CBLB: variants seen among roughly 807,000 people sequenced by gnomAD.
CBLB encodes the protein E3 ubiquitin-protein ligase CBL-B.
In CBLB, 31 loss-of-function variants were observed where a neutral mutation model predicts 104.9. That is an observed-to-expected ratio of 0.30 (90% confidence interval 0.22 to 0.40). The LOEUF (loss-of-function observed/expected upper bound fraction) is 0.40. Ranked by LOEUF, CBLB falls within the 10% of genes least tolerant of loss-of-function variation. The pLI is 1.00. For synonymous variants in CBLB, 440 were observed against 422.6 expected (o/e 1.04, Z -0.51); for missense variants, 1,062 against 1,214.6 (o/e 0.87, Z 1.87).
intron 3 of CBLB, among the ~76,000 whole-genome samples, chr3:105,822,660 A>G: frequency 6.6e-6 from 1 of 152,104 alleles, no homozygotes; most frequent in East Asian, 1.9e-4. Flanking sequence ...AATCTACTCT[A>G]CTACTCTTAG....
chr3:105,688,690 G>C lies in CBLB; in HGVS notation c.2055-3224C>G, dbSNP rs564239681. Among the ~76,000 whole-genome samples, 74 of 152,040 alleles carry C rather than the reference G, an allele frequency of 4.9e-4. No homozygotes were observed. The South Asian group carries it at 0.014, about 29-fold the overall frequency. On this transcript the variant is annotated intron_variant, in intron 13 of 18. Transcript: ENST00000394030. Reference sequence around the variant, plus strand: ...ATGTCTAACTCAAATAAATAGTCCAGAGAAGAGACAAAACAAAATATAGCT... The same window carrying C: ...ATGTCTAACTCAAATAAATAGTCCACAGAAGAGACAAAACAAAATATAGCT...
At chr3:105,837,309 T>C (rs147170238) in intron 3 of CBLB, among the ~76,000 whole-genome samples, 28 of 152,338 alleles carry the variant, frequency 1.8e-4, no homozygotes, top group Middle Eastern at 3.4e-3. Context: ...CAAATGAAAC[T>C]GGACTATTCA....
chr3:105,861,370 A>G (rs2092072035), intron 2 of CBLB, among the ~76,000 whole-genome samples: 1 of 152,208 alleles, frequency 6.6e-6, no homozygotes, highest in African/African-American at 2.4e-5. Flanking sequence ...AATTAAAAAC[A>G]TGGTTTAAAC....
intron 3 of CBLB, among the ~76,000 whole-genome samples, chr3:105,849,784 G>C (rs2090719697): frequency 6.6e-6 from 1 of 152,012 alleles, no homozygotes; most frequent in Admixed American, 6.6e-5. Flanking sequence ...AAATTTAATG[G>C]ATGACTTGGC....
At chr3:105,868,462 G>A (rs1188920626) in intron 1 of CBLB, 4 of 360,360 alleles carry the variant, frequency 1.1e-5, no homozygotes, top group Non-Finnish European at 2.0e-5. Context: ...TCCGTCTAGG[G>A]CGCGGGAGGG....
intron 2 of CBLB, among the ~76,000 whole-genome samples, chr3:105,855,770 G>A (rs1416674274): frequency 3.9e-5 from 6 of 152,058 alleles, no homozygotes; most frequent in East Asian, 3.9e-4. Flanking sequence ...TAGATATACC[G>A]GCTTTTTAAA....
Position 105,733,991 on chromosome 3 carries a change from T to C in CBLB, c.1203+18A>G, listed in dbSNP as rs754391315. On this transcript the variant is annotated intron_variant, in intron 9 of 18. Transcript: ENST00000394030. The stretch of plus-strand genomic sequence containing the variant: ...GTAGGACATATAAGAAAGACATCCA[T>C]GTTGCTAATGATTATACCTGCCATG... 30 of 1,612,024 alleles carry C rather than the reference T, an allele frequency of 1.9e-5. No individual in the cohort carries two copies. Among genetic ancestry groups the C allele is most frequent in the Non-Finnish European group, 1.5e-5 (18 of 1,178,062 alleles).
intron 4 of CBLB, among the ~76,000 whole-genome samples, chr3:105,769,040 G>A (rs544794361): frequency 4.6e-5 from 7 of 152,278 alleles, no homozygotes; most frequent in East Asian, 1.9e-4. Flanking sequence ...GCCGCCGGGC[G>A]TGATGGCTCA....
rs1035673358 is a variant in CBLB, at chr3:105,758,221, T to C, written c.567-6603A>G. Among the ~76,000 whole-genome samples, 6 of 152,128 alleles carry C rather than the reference T, an allele frequency of 3.9e-5. 1 individual carries two copies. The South Asian group carries it at 1.2e-3, about 32-fold the overall frequency. ...TCCAGCAACCCACAGAAACAGCATA[T>C]CAAAACACTCTGGTTACATAGTCAC... On this transcript the variant is annotated intron_variant, in intron 4 of 18. Transcript: ENST00000394030.
At chr3:105,743,255 C>T (rs887730263) in intron 6 of CBLB, among the ~76,000 whole-genome samples, 12 of 151,814 alleles carry the variant, frequency 7.9e-5, no homozygotes, top group African/African-American at 2.2e-4. Flanking sequence ...GCCAGGAGTT[C>T]GAGGCCACCA....
At chr3:105,802,722 A>G (rs1413879364) in intron 3 of CBLB, among the ~76,000 whole-genome samples, 1 of 152,208 alleles carries the variant, frequency 6.6e-6, no homozygotes, top group Non-Finnish European at 1.5e-5. Flanking sequence ...GGATACAACT[A>G]TTGAAGCAGC....
chr3:105,745,534 T>C (rs1426209569), intron 6 of CBLB, among the ~76,000 whole-genome samples: 1 of 152,226 alleles, frequency 6.6e-6, no homozygotes, highest in Admixed American at 6.5e-5. Context: ...TGCATGTATA[T>C]GTACTTATAT....
In CBLB at chr3:105,681,690, G is replaced by A. The variant is rs773878345; in HGVS notation, c.2296+34C>T. ...GCCTTTAAATTCTGACCATTAAGAT[G>A]TACATCACAAAGGAAATTATATTCT... is the stretch of plus-strand genomic sequence containing the variant. On this transcript the variant is annotated intron_variant, in intron 15 of 18. Coordinates refer to ENST00000394030, the MANE Select transcript of CBLB (RefSeq NM_170662.5). 54 of 1,595,028 alleles carry A rather than the reference G, an allele frequency of 3.4e-5. No homozygotes were observed. The Admixed American group carries it at 6.5e-4, about 19-fold the overall frequency.
chr3:105,699,188 T>C (rs570940812), intron 12 of CBLB, among the ~76,000 whole-genome samples: 72 of 152,254 alleles, frequency 4.7e-4, no homozygotes, highest in African/African-American at 1.7e-3. Flanking sequence ...AAGCATTCAT[T>C]AGGAACTACG....
chr3:105,735,645 T>C (rs1198482042), intron 8 of CBLB, among the ~76,000 whole-genome samples: 3 of 152,142 alleles, frequency 2.0e-5, no homozygotes, highest in African/African-American at 7.2e-5. Context: ...GGCAATCATA[T>C]ATTAAATTTA....
chr3:105,790,014 T>C (rs934195165), intron 3 of CBLB, among the ~76,000 whole-genome samples: 5 of 152,228 alleles, frequency 3.3e-5, no homozygotes, highest in Non-Finnish European at 7.3e-5. Flanking sequence ...TAAATGTTAT[T>C]AGTGAAATGG....
chr3:105,834,111 G>A (rs2088027086), intron 3 of CBLB, among the ~76,000 whole-genome samples: 1 of 151,974 alleles, frequency 6.6e-6, no homozygotes, highest in Non-Finnish European at 1.5e-5. Context: ...TGAGGCAGTG[G>A]ATGAAGAGCT....
intron 2 of CBLB, among the ~76,000 whole-genome samples, chr3:105,854,250 A>G (rs767525860): frequency 6.6e-6 from 1 of 152,206 alleles, no homozygotes; most frequent in Non-Finnish European, 1.5e-5. Context: ...TGTGGCATAT[A>G]ACGGTTCAGT....
intron 12 of CBLB, among the ~76,000 whole-genome samples, chr3:105,695,039 G>A (rs758212032): frequency 6.6e-6 from 1 of 151,812 alleles, no homozygotes; most frequent in Admixed American, 6.6e-5. Flanking sequence ...TTGAGCATTG[G>A]AAGTCATTCT....
Sources: allele counts gnomAD v4.1 joint callset (sites outside exome capture counted in the v4.1 genomes callset), GRCh38; gene constraint gnomAD v4.1.1; transcripts MANE v1.5; gene names NCBI Gene and HGNC (gene_info 2026-07-23, HGNC 2026-07-21).